CHFR: variants seen among roughly 807,000 people sequenced by gnomAD.
The protein encoded by CHFR is checkpoint with forkhead and ring finger domains, also known as E3 ubiquitin-protein ligase CHFR.
Under a neutral mutation model 87.6 loss-of-function variants are expected in CHFR, and 57 were observed. That is an observed-to-expected ratio of 0.65 (90% CI 0.53 to 0.81). CHFR has a LOEUF of 0.81. Ranked by LOEUF, CHFR falls within the 30% of genes least tolerant of loss-of-function variation. The pLI is 0.00. For synonymous variants in CHFR, 381 were observed against 359.2 expected, an observed-to-expected ratio of 1.06 and a Z score of -0.69; for missense variants, 797 against 865.8, an observed-to-expected ratio of 0.92 and a Z score of 1.00.
rs183198904 is a variant in CHFR, at chr12:132,839,979, C to T, written c.*1575G>A. The stretch of plus-strand genomic sequence containing the variant: ...ACCTCCCTGCTCAGCCTCGCCCCTG[C>T]ACTAACTCAGAACCTCCCTGCTCAG... On this transcript the variant is annotated 3_prime_UTR_variant, in exon 18 of 18. Transcript: ENST00000450056. The T allele has an allele frequency of 5.8e-6, 1 of 172,956 alleles. No homozygotes were observed. Among genetic ancestry groups the T allele is most frequent in the East Asian group, 2.0e-4 (1 of 5,100 alleles). 10.7% of individuals were successfully genotyped at this position (172,956 alleles called of 1,614,324 possible).
At chr12:132,841,780 A>G (rs1166616072) in intron 17 of CHFR, among the ~76,000 whole-genome samples, 184 bp from the exon 18 acceptor site, 1 of 152,174 alleles carries the variant, frequency 6.6e-6, no homozygotes, top group East Asian at 1.9e-4. Context: ...CCAAAGGTAA[A>G]CTTCTTTATC....
intron 2 of CHFR, among the ~76,000 whole-genome samples, chr12:132,882,706 G>GTTTT (rs11287044): frequency 6.9e-6 from 1 of 145,632 alleles, no homozygotes. Flanking sequence ...AGAACATCAG[G>GTTTT]TTTTTTTTTT....
At chr12:132,842,469 C>T (rs1950723044) in intron 17 of CHFR, among the ~76,000 whole-genome samples, 2 of 152,234 alleles carry the variant, frequency 1.3e-5, no homozygotes, top group Admixed American at 6.5e-5. Context: ...GTCCTGAGGG[C>T]ACTGTCTCCA....
At chr12:132,861,757 T>C (rs1951215052) in intron 6 of CHFR, 123 bp from the exon 7 acceptor site, 2 of 840,350 alleles carry the variant, frequency 2.4e-6, no homozygotes, top group Non-Finnish European at 3.7e-6. Context: ...AGTTTAGGAA[T>C]GACAAGTGGC....
chr12:132,887,285 G>A lies in CHFR; in HGVS notation c.44C>T (p.Pro15Leu). ...EEGKQSPPPQ[P>L]WGRLLRLGAE... ...GCCCAGACGCAGGAGCCGTCCCCAG[G>A]GCTGCGGCGGCGGCGACTGCTTGCC... The change falls in exon 2 of 18, where the codon CCC (proline) becomes CTC (leucine). Residue 15 changes from proline (P) to leucine (L), a missense_variant. Physicochemically the swap from Pro to Leu is moderately conservative, Grantham distance 98. Coordinates refer to ENST00000450056, the MANE Select transcript of CHFR (RefSeq NM_001161346.2). 1 of 1,487,884 alleles carries A rather than the reference G, an allele frequency of 6.7e-7. No individual in the cohort carries two copies. Among genetic ancestry groups the A allele is most frequent in the Non-Finnish European group, 8.9e-7 (1 of 1,126,476 alleles). The allele number at this position is 1,487,884 out of a possible 1,614,324, so 92.2% of individuals were successfully genotyped here. A position where few individuals can be genotyped will look rare whatever the true frequency, so the allele number is the denominator to read the frequency against.
In CHFR at chr12:132,835,674, C is replaced by G; in HGVS notation, c.*5880G>C. 1 of 226,438 alleles carries G rather than the reference C, an allele frequency of 4.4e-6. No individual in the cohort carries two copies. The allele number at this position is 226,438 out of a possible 1,614,324, so 14.0% of individuals were successfully genotyped here. A position where few individuals can be genotyped will look rare whatever the true frequency, so the allele number is the denominator to read the frequency against. ...ACCCTGATCTCAGAGTTCCAGGCCCCAGAACTGTGAGAAAATACTTTCTGT... is the reference window on the plus strand; with the variant it reads ...ACCCTGATCTCAGAGTTCCAGGCCCGAGAACTGTGAGAAAATACTTTCTGT... On this transcript the variant is annotated 3_prime_UTR_variant, in exon 18 of 18. Coordinates refer to ENST00000450056, the MANE Select transcript of CHFR (RefSeq NM_001161346.2).
intron 6 of CHFR, among the ~76,000 whole-genome samples, chr12:132,864,452 A>G (rs1338164412): frequency 6.6e-6 from 1 of 152,030 alleles, no homozygotes; most frequent in African/African-American, 2.4e-5. Context: ...GTATGCATAC[A>G]CTTAGGCATA....
chr12:132,853,463 TC>T lies in CHFR; in HGVS notation c.1339del (p.Asp447MetfsTer9). 2.6e-6 allele frequency: 4 copies of T among 1,537,458 alleles called. No individual in the cohort carries two copies. Among genetic ancestry groups the T allele is most frequent in the Non-Finnish European group, 8.7e-7 (1 of 1,151,028 alleles). On this transcript the variant is annotated frameshift_variant, in exon 11 of 18. Transcript: ENST00000450056. LOFTEE classifies it high-confidence loss of function. The stretch of plus-strand genomic sequence containing the variant: ...CAGGCTGACGGACGTGGAGGGTGCA[TC>T]CCCCAGGGCCTGTGGGGCTCCTGGC... ...GEPGAPQALG[D>X]APSTSVSLTT... is the part of the protein sequence containing the mutation.
chr12:132,848,264 A>G, intron 13 of CHFR, 109 bp from the exon 14 acceptor site: 1 of 1,558,118 alleles, frequency 6.4e-7, no homozygotes, highest in East Asian at 2.4e-5. Context: ...GATTCTAGAA[A>G]GAATAAGAAG....
intron 15 of CHFR, among the ~76,000 whole-genome samples, chr12:132,846,205 C>A (rs2136925433): frequency 6.6e-6 from 1 of 152,160 alleles, no homozygotes; most frequent in Admixed American, 6.5e-5. Flanking sequence ...CCACACCCAC[C>A]CTCCCCTACA....
intron 3 of CHFR, among the ~76,000 whole-genome samples, chr12:132,875,339 G>C (rs1031407254): frequency 6.6e-6 from 1 of 152,192 alleles, no homozygotes; most frequent in Non-Finnish European, 1.5e-5. Flanking sequence ...ACTTGCAGCA[G>C]ATTTAAAAGA....
At position 132,856,662 on chromosome 12, in the gene CHFR, G is replaced by A. The variant is rs200302708; in HGVS notation, c.1067-32C>T. 2.6e-3 allele frequency: 4,127 copies of A among 1,608,416 alleles called. 16 individuals are homozygous for A. Among genetic ancestry groups the A allele is most frequent in the South Asian group, 8.1e-3 (735 of 90,954 alleles). ...TTGAAAGGACACAGCGCCATTCACC[G>A]GCAGTGAGACATGGCAGGCAGACAC... is the stretch of plus-strand genomic sequence containing the variant. On this transcript the variant is annotated intron_variant, in intron 9 of 17. Transcript: ENST00000450056.
chr12:132,887,421 C>G, intron 1 of CHFR, 81 bp from the exon 2 acceptor site: 1 of 1,094,288 alleles, frequency 9.1e-7, no homozygotes, highest in Non-Finnish European at 1.1e-6. Flanking sequence ...CCGCGGGCCC[C>G]GGCCCGGCCG....
intron 8 of CHFR, 55 bp from the exon 9 acceptor site, chr12:132,857,614 C>A (rs760531565): frequency 1.1e-5 from 18 of 1,572,886 alleles, no homozygotes; most frequent in Non-Finnish European, 1.3e-5. Context: ...AACCGCGACC[C>A]TCGACCAAGG....
Position 132,841,443 on chromosome 12 carries a change from C to A in CHFR, c.*111G>T, listed in dbSNP as rs1341331550. 10 of 933,252 alleles carry A rather than the reference C, an allele frequency of 1.1e-5. No homozygotes were observed. The highest frequency in any genetic ancestry group is 1.8e-5 in the Non-Finnish European group (10 of 565,864). 57.8% of individuals were successfully genotyped at this position (933,252 alleles called of 1,614,324 possible). On this transcript the variant is annotated 3_prime_UTR_variant, in exon 18 of 18. Coordinates refer to ENST00000450056, the MANE Select transcript of CHFR (RefSeq NM_001161346.2). Reference sequence around the variant, plus strand: ...CCCAGAGCACCTGTCGGAGACCCTGCGTCCCTTCCCTCAGGGGGCTGTGAA... The same window carrying A: ...CCCAGAGCACCTGTCGGAGACCCTGAGTCCCTTCCCTCAGGGGGCTGTGAA...
At chr12:132,857,300 CCTCACGTG>C (rs770017902) in intron 9 of CHFR, 97 bp downstream of exon 9, 298 of 1,218,204 alleles carry the variant, frequency 2.4e-4, no homozygotes, top group Non-Finnish European at 3.1e-4. Context: ...GAGGGACAGC[CCTCACGTG>C]CCCGGGTGCT....
intron 15 of CHFR, among the ~76,000 whole-genome samples, chr12:132,844,813 A>C (rs547640410): frequency 6.6e-6 from 1 of 150,830 alleles, no homozygotes; most frequent in African/African-American, 2.4e-5. Flanking sequence ...ATACTTTTTT[A>C]GTAGAGATGG....
At chr12:132,887,519 C>T (rs1306618015) in intron 1 of CHFR, 28 bp downstream of exon 1, 1 of 197,048 alleles carries the variant, frequency 5.1e-6, no homozygotes, top group Non-Finnish European at 9.2e-6. Context: ...TCGCCGCCCG[C>T]CGCAGCCCCC....
rs1248885374 is a variant in CHFR, at chr12:132,832,551, T to G, written c.*9003A>C. ...TTACTGGGAGTTGATCATTATACAT[T>G]GTATGTCTGTATTAAAATATCAAGG... On this transcript the variant is annotated 3_prime_UTR_variant, in exon 18 of 18. Transcript: ENST00000450056. 2.0e-5 allele frequency: 3 copies of G among 152,204 alleles called. No homozygotes were observed. The highest frequency in any genetic ancestry group is 4.4e-5 in the Non-Finnish European group (3 of 68,038). The allele number at this position is 152,204 out of a possible 1,614,324, so 9.4% of individuals were successfully genotyped here.
Sources: gnomAD v4.1 joint callset for allele counts (sites outside exome capture counted in the v4.1 genomes callset) on GRCh38, gnomAD v4.1.1 for gene constraint, MANE v1.5 for transcripts, NCBI Gene and HGNC (gene_info 2026-07-23, HGNC 2026-07-21) for gene names.